Variants in MSRA observed in about 807,000 individuals in gnomAD.
MSRA encodes methionine sulfoxide reductase A, also known as mitochondrial peptide methionine sulfoxide reductase.
In MSRA, 54 loss-of-function variants were observed where a neutral mutation model predicts 31.3. That is an observed-to-expected ratio of 1.73 (90% CI 1.39 to 2.17). The LOEUF (loss-of-function observed/expected upper bound fraction) is 2.17, where lower values mean the gene tolerates loss of function less well. Ranked by LOEUF, MSRA falls within the 30% of genes most tolerant of loss-of-function variation. The pLI, the probability that MSRA is intolerant of heterozygous loss-of-function variation, is 0.00. For synonymous variants in MSRA, 169 were observed against 116.5 expected (o/e 1.45, Z -2.90); for missense variants, 507 against 300.9 (o/e 1.69, Z -5.07).
chr8:10,076,477 ACCC>A (rs1798000191), intron 1 of MSRA, among the ~76,000 whole-genome samples: 1 of 152,002 alleles, frequency 6.6e-6, no homozygotes, highest in Non-Finnish European at 1.5e-5. Context: ...TATTACTTAA[ACCC>A]ATAGTCTTAT....
chr8:10,301,733 C>G, intron 4 of MSRA, 95 bp downstream of exon 4: 2 of 940,624 alleles, frequency 2.1e-6, no homozygotes, highest in Non-Finnish European at 3.3e-6. Flanking sequence ...ACCTTGAAAT[C>G]ACACAGGAGC....
intron 3 of MSRA, among the ~76,000 whole-genome samples, chr8:10,256,422 G>A (rs1029332639): frequency 6.6e-6 from 1 of 152,124 alleles, no homozygotes; most frequent in African/African-American, 2.4e-5. Flanking sequence ...GGATGAAGCT[G>A]CTGTCAACAT....
At chr8:10,164,149 T>A (rs1479909176) in intron 1 of MSRA, among the ~76,000 whole-genome samples, 1 of 152,242 alleles carries the variant, frequency 6.6e-6, no homozygotes, top group Non-Finnish European at 1.5e-5. Flanking sequence ...AATACTACTT[T>A]TAACTGGACC....
At chr8:10,070,339 C>A (rs1330810489) in intron 1 of MSRA, among the ~76,000 whole-genome samples, 1 of 152,186 alleles carries the variant, frequency 6.6e-6, no homozygotes, top group Non-Finnish European at 1.5e-5. Flanking sequence ...AAATGGGTTA[C>A]AAAGTTTTAG....
At chr8:10,241,562 A>G (rs1812415290) in intron 2 of MSRA, among the ~76,000 whole-genome samples, 1 of 152,218 alleles carries the variant, frequency 6.6e-6, no homozygotes, top group African/African-American at 2.4e-5. Context: ...CCACTGAGTA[A>G]CAAAGTAGTA....
At chr8:10,073,235 T>C (rs1797831004) in intron 1 of MSRA, among the ~76,000 whole-genome samples, 1 of 152,206 alleles carries the variant, frequency 6.6e-6, no homozygotes, top group African/African-American at 2.4e-5. Flanking sequence ...CTATCACATA[T>C]GATGTCAGCT....
intron 3 of MSRA, among the ~76,000 whole-genome samples, chr8:10,301,203 G>A (rs1006550590): frequency 3.9e-5 from 6 of 152,144 alleles, no homozygotes; most frequent in Admixed American, 1.3e-4. Context: ...GTTCTTGAGC[G>A]CTATGTCAGG....
intron 1 of MSRA, among the ~76,000 whole-genome samples, chr8:10,115,473 C>T (rs986251830): frequency 2.6e-5 from 4 of 152,204 alleles, no homozygotes; most frequent in African/African-American, 9.6e-5. Flanking sequence ...CCTCCAGCAC[C>T]TCGATGTTTG....
chr8:10,175,535 G>T (rs1585096395), intron 1 of MSRA, among the ~76,000 whole-genome samples: 1 of 152,180 alleles, frequency 6.6e-6, no homozygotes, highest in Non-Finnish European at 1.5e-5. Flanking sequence ...ATTATGCTGG[G>T]TGGAAAATAC....
intron 2 of MSRA, among the ~76,000 whole-genome samples, chr8:10,231,367 G>T (rs998609782): frequency 2.0e-5 from 3 of 152,232 alleles, no homozygotes; most frequent in African/African-American, 7.2e-5. Context: ...GAAGGATCTA[G>T]GAAAATGGTG....
chr8:10,405,244 T>A (rs1342177758), intron 5 of MSRA, among the ~76,000 whole-genome samples: 2 of 151,880 alleles, frequency 1.3e-5, no homozygotes, highest in African/African-American at 4.8e-5. Flanking sequence ...TGTGCCTAGG[T>A]GGGGAGCTGC....
chr8:10,343,034 C>T (rs956736337), intron 5 of MSRA, among the ~76,000 whole-genome samples: 1 of 107,732 alleles, frequency 9.3e-6, no homozygotes, highest in Non-Finnish European at 1.9e-5. Context: ...CACACACACA[C>T]ACACACACAC....
At chr8:10,297,924 G>C (rs911989815) in intron 3 of MSRA, among the ~76,000 whole-genome samples, 10 of 152,164 alleles carry the variant, frequency 6.6e-5, no homozygotes, top group Admixed American at 3.9e-4. Flanking sequence ...ACACAGCTGT[G>C]ATTTCTTATC....
intron 1 of MSRA, among the ~76,000 whole-genome samples, chr8:10,114,608 G>C (rs1800546600): frequency 6.6e-6 from 1 of 152,152 alleles, no homozygotes; most frequent in South Asian, 2.1e-4. Context: ...CCACAGTTGG[G>C]ATTTTGCTAG....
intron 2 of MSRA, among the ~76,000 whole-genome samples, chr8:10,239,483 C>T (rs1484794746): frequency 6.6e-6 from 1 of 152,138 alleles, no homozygotes; most frequent in South Asian, 2.1e-4. Context: ...TAAGCCCATC[C>T]AATTGGCAAA....
chr8:10,335,080 C>G (rs996362300), intron 5 of MSRA, among the ~76,000 whole-genome samples: 15 of 152,138 alleles, frequency 9.9e-5, no homozygotes, highest in African/African-American at 3.6e-4. Context: ...CAGGACGGGC[C>G]GGGCGCAGGG....
chr8:10,111,324 C>G (rs368975175), intron 1 of MSRA, among the ~76,000 whole-genome samples: 9 of 152,106 alleles, frequency 5.9e-5, no homozygotes, highest in African/African-American at 2.2e-4. Context: ...AGTCAAACCT[C>G]CACCCTTGCC....
intron 1 of MSRA, among the ~76,000 whole-genome samples, chr8:10,206,343 A>G (rs568622715): frequency 1.3e-5 from 2 of 152,162 alleles, no homozygotes; most frequent in African/African-American, 2.4e-5. Context: ...ACAGACCTCT[A>G]TAAGGCCACT....
chr8:10,084,591 A>C (rs182408471), intron 1 of MSRA, among the ~76,000 whole-genome samples: 1 of 152,354 alleles, frequency 6.6e-6, no homozygotes, highest in Admixed American at 6.5e-5. Context: ...GGCAAGTTAC[A>C]TGACCTTGGT....
Sources: gnomAD v4.1 joint callset for allele counts (sites outside exome capture counted in the v4.1 genomes callset) on GRCh38, gnomAD v4.1.1 for gene constraint, MANE v1.5 for transcripts, NCBI Gene and HGNC (gene_info 2026-07-23, HGNC 2026-07-21) for gene names.